TDRKH: variants seen among roughly 807,000 people sequenced by gnomAD.
The protein encoded by TDRKH is tudor and KH domain-containing protein.
In TDRKH, 28 loss-of-function variants were observed where a neutral mutation model predicts 61.3. That is an observed-to-expected ratio of 0.46 (90% CI 0.34 to 0.63). TDRKH has a LOEUF of 0.63. Ranked by LOEUF, TDRKH falls within the 20% of genes least tolerant of loss-of-function variation. TDRKH has a pLI of 0.01. For synonymous variants in TDRKH, 219 were observed against 244.4 expected, an observed-to-expected ratio of 0.90 and a Z score of 0.97; for missense variants, 540 against 683.4, an observed-to-expected ratio of 0.79 and a Z score of 2.34.
chr1:151,782,403 C>T (rs1189407888), intron 2 of TDRKH, among the ~76,000 whole-genome samples: 1 of 151,954 alleles, frequency 6.6e-6, no homozygotes, highest in Non-Finnish European at 1.5e-5. Context: ...GCCGAGATTG[C>T]TCCACTGCAC....
chr1:151,774,622 A>G (rs1341750855), intron 12 of TDRKH, 88 bp downstream of exon 12: 2 of 1,583,576 alleles, frequency 1.3e-6, no homozygotes, highest in Non-Finnish European at 1.7e-6. Flanking sequence ...CTAGGAACCA[A>G]GCCTTCAATT....
At chr1:151,782,837 A>G (rs1649962808) in intron 2 of TDRKH, 62 bp downstream of exon 2, 4 of 1,481,974 alleles carry the variant, frequency 2.7e-6, no homozygotes, top group Non-Finnish European at 2.7e-6. Context: ...AGTTTTTTTC[A>G]ATTTAACAAG....
At chr1:151,785,371 T>C (rs918988847) in intron 1 of TDRKH, among the ~76,000 whole-genome samples, 7 of 152,330 alleles carry the variant, frequency 4.6e-5, no homozygotes, top group African/African-American at 1.4e-4. Flanking sequence ...GACCCTGCTC[T>C]AAAACACCAT....
chr1:151,775,351 T>C, intron 10 of TDRKH, 41 bp downstream of exon 10: 1 of 1,591,978 alleles, frequency 6.3e-7, no homozygotes, highest in South Asian at 1.2e-5. Context: ...GCTATAAATA[T>C]ACTGAAGATA....
chr1:151,770,107 G>C (rs780765759), downstream of TDRKH: 3 of 456,600 alleles, frequency 6.6e-6, no homozygotes, highest in Non-Finnish European at 1.1e-5. Flanking sequence ...ATGGGGAGAC[G>C]GAGACGGAGA....
At chr1:151,770,219 CTGTGTT>C (rs1212908540), downstream of TDRKH, 2 of 1,613,904 alleles carry the variant, frequency 1.2e-6, no homozygotes, top group East Asian at 2.2e-5. Context: ...AATGTGGACT[CTGTGTT>C]TGTGAACTTC....
In TDRKH at chr1:151,776,347, A is replaced by T. The variant is rs1364172886; in HGVS notation, c.1045-79T>A. ...AACAGAATTGCAGGAGGAAGAAAGA[A>T]AAGTAGTTGCTCCACAGGGAAAGGA... On this transcript the variant is annotated intron_variant, in intron 7 of 12. Coordinates refer to ENST00000368824, the MANE Select transcript of TDRKH (RefSeq NM_001083965.2). 6 of 1,594,060 alleles carry T rather than the reference A, an allele frequency of 3.8e-6. No individual in the cohort carries two copies. In the East Asian group the frequency reaches 1.3e-4, roughly 36 times the overall value.
At chr1:151,777,932 G>A (rs114070669) in intron 6 of TDRKH, among the ~76,000 whole-genome samples, 4,180 of 151,580 alleles carry the variant, frequency 0.028, 91 homozygotes, top group Non-Finnish European at 0.041. Context: ...TTGTTAAGCC[G>A]TTACAAAAAC....
At chr1:151,771,224 G>A (rs1314214390), downstream of TDRKH, 2 of 1,612,062 alleles carry the variant, frequency 1.2e-6, no homozygotes, top group Non-Finnish European at 8.5e-7. Context: ...CCTTGAACAT[G>A]CTTATTCCAA....
chr1:151,788,091 AG>A (rs1650518343), intron 1 of TDRKH, among the ~76,000 whole-genome samples: 3 of 152,232 alleles, frequency 2.0e-5, no homozygotes, highest in Admixed American at 2.0e-4. Flanking sequence ...TGGGTTCTGC[AG>A]GGTTCCTGGA....
In TDRKH at chr1:151,777,865, C is replaced by T. The variant is rs61309588; in HGVS notation, c.883+820G>A. 3.4e-3 allele frequency among the ~76,000 whole-genome samples: 522 copies of T among 151,568 alleles called. 18 individuals carry two copies. The East Asian group carries it at 0.086, about 25-fold the overall frequency. ...CCCAAGTAGTTGGAACCACAGGTTGCGCCACCATGCCCTAAGCCAGTATTT... is the reference window on the plus strand; with the variant it reads ...CCCAAGTAGTTGGAACCACAGGTTGTGCCACCATGCCCTAAGCCAGTATTT... On this transcript the variant is annotated intron_variant, in intron 6 of 12. Transcript: ENST00000368824.
downstream of TDRKH, chr1:151,767,107 G>A: frequency 3.7e-6 from 6 of 1,600,398 alleles, no homozygotes; most frequent in Non-Finnish European, 3.4e-6. Context: ...CTGGTACTGT[G>A]TATCTTCCCA....
At chr1:151,767,007 G>C (rs900988008), downstream of TDRKH, 1 of 1,366,642 alleles carries the variant, frequency 7.3e-7, no homozygotes, top group African/African-American at 1.4e-5. Context: ...TGGAAAGCTG[G>C]CATGGAACTT....
downstream of TDRKH, chr1:151,766,692 T>C: frequency 6.4e-7 from 1 of 1,551,314 alleles, no homozygotes; most frequent in Non-Finnish European, 8.7e-7. Context: ...TGAACTTCAC[T>C]TTGCCACAGG....
downstream of TDRKH, chr1:151,766,527 C>T: frequency 1.6e-6 from 1 of 607,934 alleles, no homozygotes; most frequent in Non-Finnish European, 2.9e-6. Context: ...CCATAACATG[C>T]ATACTAGTCG....
At chr1:151,768,129 C>A (rs756678441), downstream of TDRKH, 4 of 1,613,934 alleles carry the variant, frequency 2.5e-6, no homozygotes, top group Non-Finnish European at 3.4e-6. Context: ...ACTTTCACTT[C>A]CGCCTTACCT....
downstream of TDRKH, chr1:151,766,500 T>A (rs1469680423): frequency 1.1e-5 from 6 of 548,194 alleles, no homozygotes; most frequent in Non-Finnish European, 1.9e-5. Context: ...AGTTCTATTT[T>A]TTAATCATTC....
downstream of TDRKH, chr1:151,769,454 T>TC (rs1648541021): frequency 6.2e-6 from 1 of 160,360 alleles, no homozygotes; most frequent in African/African-American, 2.5e-5. Context: ...GCAGAGATGC[T>TC]CCTCACCTCC....
intron 1 of TDRKH, among the ~76,000 whole-genome samples, chr1:151,787,045 T>G (rs12038988): frequency 0.046 from 6,990 of 152,266 alleles, 738 homozygotes; most frequent in East Asian, 0.39. Flanking sequence ...TGGATGGTAT[T>G]ATATAAGCAT....
Sources: gnomAD v4.1 joint callset for allele counts (sites outside exome capture counted in the v4.1 genomes callset) on GRCh38, gnomAD v4.1.1 for gene constraint, MANE v1.5 for transcripts, NCBI Gene and HGNC (gene_info 2026-07-23, HGNC 2026-07-21) for gene names.